Variants in SOX6 observed in about 807,000 individuals in gnomAD.
SOX6 encodes SRY-box transcription factor 6.
A neutral mutation model predicts 97.8 loss-of-function variants in SOX6; 11 were observed. That is an observed-to-expected ratio of 0.11 (90% CI 0.07 to 0.19). The LOEUF (loss-of-function observed/expected upper bound fraction) is 0.19. Among genes scored for constraint, SOX6 ranks in the 10% least tolerant of loss-of-function variants. SOX6 has a pLI of 1.00. For missense variants in SOX6, 810 were observed against 1,039.5 expected (o/e 0.78, Z 3.04); for synonymous variants, 360 against 371.4 (o/e 0.97, Z 0.35).
chr11:16,122,681 T>C (rs912153802), intron 6 of SOX6, among the ~76,000 whole-genome samples: 49 of 152,164 alleles, frequency 3.2e-4, no homozygotes, highest in African/African-American at 1.2e-3. Context: ...TCTTAAACTA[T>C]AGGCCTTGTT....
intron 3 of SOX6, among the ~76,000 whole-genome samples, chr11:16,703,972 T>TCAA (rs1848113131): frequency 2.0e-5 from 3 of 152,316 alleles, no homozygotes; most frequent in Middle Eastern, 3.4e-3. Flanking sequence ...TTTTGTCAAA[T>TCAA]CAACAAATCT....
intron 3 of SOX6, among the ~76,000 whole-genome samples, chr11:16,238,239 C>T (rs974580053): frequency 1.3e-5 from 2 of 151,966 alleles, no homozygotes; most frequent in African/African-American, 2.4e-5. Flanking sequence ...TATAAATTAT[C>T]AGTTGCATTG....
rs536753908 is a variant in SOX6, at chr11:16,343,445, A to T, written c.-4-2193T>A. ...GTTGCTTCAGTTTAAATTAATCATG[A>T]CAAAACTCAAAATGAAAACAGTCTC... On this transcript the variant is annotated intron_variant, in intron 1 of 15. Coordinates refer to ENST00000683767, the MANE Select transcript of SOX6 (RefSeq NM_001367873.1). 2.4e-4 allele frequency among the ~76,000 whole-genome samples: 37 copies of T among 152,024 alleles called. 1 individual carries two copies. Among genetic ancestry groups the T allele is most frequent in the Admixed American group, 2.6e-4 (4 of 15,226 alleles).
chr11:16,448,712 C>T (rs566121905), intron 1 of SOX6, among the ~76,000 whole-genome samples: 23 of 152,202 alleles, frequency 1.5e-4, no homozygotes, highest in Admixed American at 1.5e-3. Flanking sequence ...GAATGTATCA[C>T]CCTATCTCAT....
chr11:16,367,878 T>C (rs970156134), intron 1 of SOX6, among the ~76,000 whole-genome samples: 1 of 152,162 alleles, frequency 6.6e-6, no homozygotes, highest in African/African-American at 2.4e-5. Flanking sequence ...TTAAATCTAA[T>C]ACAGTAGGGA....
chr11:15,997,900 G>C (rs1288936080), intron 13 of SOX6, among the ~76,000 whole-genome samples: 1 of 151,948 alleles, frequency 6.6e-6, no homozygotes, highest in Non-Finnish European at 1.5e-5. Flanking sequence ...GACCAATATG[G>C]TGAAACCCTG....
intron 1 of SOX6, among the ~76,000 whole-genome samples, chr11:16,344,342 T>C (rs894698767): frequency 2.0e-5 from 3 of 151,980 alleles, no homozygotes; most frequent in Non-Finnish European, 2.9e-5. Flanking sequence ...ACTTTAGATT[T>C]GCTGATTATT....
intron 12 of SOX6, among the ~76,000 whole-genome samples, chr11:16,021,531 T>A (rs1313986942): frequency 6.6e-6 from 1 of 152,122 alleles, no homozygotes; most frequent in Non-Finnish European, 1.5e-5. Flanking sequence ...GGTGATTATA[T>A]TTTGAGGGAA....
chr11:16,390,765 A>C (rs1858149590), intron 1 of SOX6, among the ~76,000 whole-genome samples: 2 of 152,096 alleles, frequency 1.3e-5, no homozygotes, highest in South Asian at 4.1e-4. Context: ...TAGTTCAACC[A>C]TTGTGGAAGA....
intron 4 of SOX6, among the ~76,000 whole-genome samples, chr11:16,509,432 A>AGT (rs1860844005): frequency 6.6e-6 from 1 of 152,046 alleles, no homozygotes; most frequent in African/African-American, 2.4e-5. Flanking sequence ...AGTACAACTG[A>AGT]CTAAATCTAA....
At chr11:16,115,489 G>A (rs2133999694) in intron 6 of SOX6, among the ~76,000 whole-genome samples, 1 of 152,284 alleles carries the variant, frequency 6.6e-6, no homozygotes, top group East Asian at 1.9e-4. Context: ...TGAATCAGTA[G>A]ATCTGAGGTA....
At chr11:16,318,790 G>C in intron 2 of SOX6, 137 bp from the exon 3 acceptor site, 1 of 621,066 alleles carries the variant, frequency 1.6e-6, no homozygotes, top group East Asian at 2.9e-5. Flanking sequence ...TAAAATACAA[G>C]TAACTTAGTA....
intron 9 of SOX6, among the ~76,000 whole-genome samples, chr11:16,070,888 G>C (rs1848208035): frequency 6.6e-6 from 1 of 152,196 alleles, no homozygotes; most frequent in African/African-American, 2.4e-5. Context: ...GAGCTACCCA[G>C]CCATTTTACA....
intron 4 of SOX6, among the ~76,000 whole-genome samples, chr11:16,563,719 A>G (rs1737834977): frequency 6.6e-6 from 1 of 152,208 alleles, no homozygotes; most frequent in South Asian, 2.1e-4. Context: ...ATAATTGAAA[A>G]CATCCTAATT....
At chr11:16,079,778 A>C (rs1312254739) in intron 9 of SOX6, among the ~76,000 whole-genome samples, 1 of 152,260 alleles carries the variant, frequency 6.6e-6, no homozygotes, top group South Asian at 2.1e-4. Context: ...TAAACTGCAA[A>C]TTATTAGTAC....
chr11:16,209,512 TTGGGAGGCCGAAG>T (rs1270189093), intron 4 of SOX6, among the ~76,000 whole-genome samples: 6 of 152,098 alleles, frequency 3.9e-5, no homozygotes, highest in African/African-American at 1.4e-4. Context: ...TCCCAGCACT[TTGGGAGGCCGAAG>T]TGGGAGGATC....
chr11:16,182,919 T>C (rs185544830), intron 6 of SOX6, among the ~76,000 whole-genome samples: 1 of 151,876 alleles, frequency 6.6e-6, no homozygotes, highest in African/African-American at 2.4e-5. Flanking sequence ...TTTTTTAAAA[T>C]ACAGAAGGGC....
intron 6 of SOX6, among the ~76,000 whole-genome samples, chr11:16,150,875 T>C (rs1259703395): frequency 6.6e-6 from 1 of 152,146 alleles, no homozygotes; most frequent in African/African-American, 2.4e-5. Flanking sequence ...AATTGATCCC[T>C]GGGAAGCAAA....
At chr11:16,285,765 T>G (rs1854717833) in intron 3 of SOX6, among the ~76,000 whole-genome samples, 1 of 152,080 alleles carries the variant, frequency 6.6e-6, no homozygotes, top group Admixed American at 6.6e-5. Context: ...TGTTGCCTGA[T>G]CCTAAATCAA....
Sources: allele counts gnomAD v4.1 joint callset (sites outside exome capture counted in the v4.1 genomes callset), GRCh38; gene constraint gnomAD v4.1.1; transcripts MANE v1.5; gene names NCBI Gene and HGNC (gene_info 2026-07-23, HGNC 2026-07-21).